The following KCNIP4 variants were observed in gnomAD, a reference collection of about 807,000 sequenced individuals.
The protein encoded by KCNIP4 is Kv channel-interacting protein 4.
A neutral mutation model predicts 34.0 loss-of-function variants in KCNIP4; 12 were observed. The ratio of observed to expected loss-of-function variants is 0.35; its 90% confidence interval spans 0.23 to 0.57. The LOEUF (loss-of-function observed/expected upper bound fraction) is 0.57, where lower values mean the gene tolerates loss of function less well. Ranked by LOEUF, KCNIP4 falls within the 20% of genes least tolerant of loss-of-function variation. The pLI is 0.83. For missense variants in KCNIP4, 238 were observed against 311.7 expected, an observed-to-expected ratio of 0.76 and a Z score of 1.78; for synonymous variants, 124 against 102.2, an observed-to-expected ratio of 1.21 and a Z score of -1.29.
At chr4:21,750,761 T>C (rs938301987) in intron 1 of KCNIP4, among the ~76,000 whole-genome samples, 5 of 152,164 alleles carry the variant, frequency 3.3e-5, no homozygotes, top group Admixed American at 1.3e-4. Flanking sequence ...TCAACAGTTA[T>C]TTCGCGGAGA....
At chr4:21,899,157 T>C (rs1316711269) in intron 1 of KCNIP4, among the ~76,000 whole-genome samples, 1 of 152,146 alleles carries the variant, frequency 6.6e-6, no homozygotes, top group Non-Finnish European at 1.5e-5. Flanking sequence ...ATGTGATACA[T>C]AATGTCAAAA....
chr4:21,569,302 T>TTTCAA (rs1740180444), intron 1 of KCNIP4, among the ~76,000 whole-genome samples: 1 of 139,856 alleles, frequency 7.2e-6, no homozygotes, highest in African/African-American at 2.6e-5. Flanking sequence ...TTGTTGAATA[T>TTTCAA]TTCAACATAA....
chr4:21,939,133 C>T (rs1730052933), intron 1 of KCNIP4, among the ~76,000 whole-genome samples: 1 of 152,154 alleles, frequency 6.6e-6, no homozygotes, highest in South Asian at 2.1e-4. Flanking sequence ...ATTCTTCTAA[C>T]AAGTTAGTTT....
chr4:20,955,466 T>C (rs1408105265), intron 1 of KCNIP4, among the ~76,000 whole-genome samples: 1 of 152,162 alleles, frequency 6.6e-6, no homozygotes, highest in East Asian at 1.9e-4. Flanking sequence ...CCTTGTGTGG[T>C]TCCCTCATGC....
At chr4:20,968,500 C>T (rs1734605652) in intron 1 of KCNIP4, among the ~76,000 whole-genome samples, 1 of 152,030 alleles carries the variant, frequency 6.6e-6, no homozygotes, top group Non-Finnish European at 1.5e-5. Context: ...CAGCACTATT[C>T]ACAATAGCAA....
intron 1 of KCNIP4, among the ~76,000 whole-genome samples, chr4:20,899,373 C>T (rs1459356541): frequency 6.6e-6 from 1 of 152,128 alleles, no homozygotes; most frequent in East Asian, 1.9e-4. Context: ...AAAACAGGCC[C>T]TGCTGCTCAA....
chr4:21,714,789 ATTT>A (rs1364392727), intron 1 of KCNIP4, among the ~76,000 whole-genome samples: 94 of 4,884 alleles, frequency 0.019, 3 homozygotes, highest in Non-Finnish European at 0.033. Flanking sequence ...CCCTTTGATT[ATTT>A]TATTTTATTT....
At chr4:21,023,097 AG>A (rs1173648921) in intron 1 of KCNIP4, among the ~76,000 whole-genome samples, 1 of 152,148 alleles carries the variant, frequency 6.6e-6, no homozygotes, top group Non-Finnish European at 1.5e-5. Context: ...TGCTGGGATA[AG>A]TTTTTATCCC....
intron 1 of KCNIP4, among the ~76,000 whole-genome samples, chr4:20,913,242 A>G (rs536933884): frequency 6.6e-4 from 100 of 152,248 alleles, no homozygotes; most frequent in African/African-American, 2.2e-3. Flanking sequence ...AATGTACCAA[A>G]AAAATAAAAA....
chr4:20,946,967 G>T (rs1016622931), intron 1 of KCNIP4, among the ~76,000 whole-genome samples: 1 of 152,118 alleles, frequency 6.6e-6, no homozygotes, highest in African/African-American at 2.4e-5. Context: ...CTGCCTATAT[G>T]TATTTTTAGT....
intron 1 of KCNIP4, among the ~76,000 whole-genome samples, chr4:21,823,523 A>G (rs1329645165): frequency 2.0e-5 from 3 of 151,852 alleles, no homozygotes; most frequent in Non-Finnish European, 2.9e-5. Context: ...AAAAAAACAA[A>G]AAAACTACAG....
intron 1 of KCNIP4, among the ~76,000 whole-genome samples, chr4:21,606,557 T>A (rs1743691747): frequency 6.6e-6 from 1 of 151,430 alleles, no homozygotes; most frequent in Non-Finnish European, 1.5e-5. Context: ...TAGGGAGGAG[T>A]TAGTTTCTGT....
chr4:21,762,950 G>A (rs1214734985), intron 1 of KCNIP4: 6 of 1,288,782 alleles, frequency 4.7e-6, no homozygotes, highest in Middle Eastern at 2.1e-4. Context: ...TCCCACTTCC[G>A]AAGTCTCCCT....
intron 1 of KCNIP4, among the ~76,000 whole-genome samples, chr4:21,421,210 T>A (rs944355198): frequency 6.6e-6 from 1 of 152,140 alleles, no homozygotes; most frequent in African/African-American, 2.4e-5. Flanking sequence ...GAAAACAGTA[T>A]GAAGAATCCT....
chr4:21,038,757 G>T (rs28621552), intron 1 of KCNIP4, among the ~76,000 whole-genome samples: 1 of 152,150 alleles, frequency 6.6e-6, no homozygotes, highest in Non-Finnish European at 1.5e-5. Flanking sequence ...AAATATCTAC[G>T]TTATGAGGAA....
intron 1 of KCNIP4, among the ~76,000 whole-genome samples, chr4:21,013,923 C>G (rs959569280): frequency 2.0e-5 from 3 of 152,106 alleles, no homozygotes; most frequent in Admixed American, 6.6e-5. Context: ...TTCCATAGTA[C>G]TCTGCTGTCC....
intron 3 of KCNIP4, among the ~76,000 whole-genome samples, chr4:20,778,420 T>C (rs1257418920): frequency 1.3e-5 from 2 of 152,188 alleles, no homozygotes; most frequent in African/African-American, 4.8e-5. Context: ...GATGTCAAGA[T>C]TGGAAACTAT....
Position 21,729,478 on chromosome 4 carries a change from T to A in KCNIP4, c.61+219093A>T, listed in dbSNP as rs1172782389. 1.3e-5 allele frequency among the ~76,000 whole-genome samples: 2 copies of A among 152,172 alleles called. 1 individual carries two copies. The highest frequency in any genetic ancestry group is 3.8e-4 in the East Asian group (2 of 5,196). Reference sequence around the variant, plus strand: ...ATTATTTCAGCTAAGATGCAAGACTTCTGTGACGAGAATTTCACCATGTCC... The same window carrying A: ...ATTATTTCAGCTAAGATGCAAGACTACTGTGACGAGAATTTCACCATGTCC... On this transcript the variant is annotated intron_variant, in intron 1 of 8. Coordinates refer to ENST00000382152, the MANE Select transcript of KCNIP4 (RefSeq NM_025221.6).
chr4:21,661,649 C>T (rs549587109), intron 1 of KCNIP4, among the ~76,000 whole-genome samples: 2 of 152,204 alleles, frequency 1.3e-5, no homozygotes, highest in South Asian at 4.2e-4. Context: ...AGTGATGAGC[C>T]AAATTGGCCA....
Sources: allele counts gnomAD v4.1 joint callset (sites outside exome capture counted in the v4.1 genomes callset), GRCh38; gene constraint gnomAD v4.1.1; transcripts MANE v1.5; gene names NCBI Gene and HGNC (gene_info 2026-07-23, HGNC 2026-07-21).